ATPSCKMT: variants seen among roughly 807,000 people sequenced by gnomAD.
ATPSCKMT encodes the protein ATP synthase subunit C lysine N-methyltransferase.
In ATPSCKMT, 24 loss-of-function variants were observed where a neutral mutation model predicts 24.3. That is an observed-to-expected ratio of 0.99 (90% CI 0.71 to 1.39). The LOEUF (loss-of-function observed/expected upper bound fraction) is 1.39. ATPSCKMT is among the 40% of genes most tolerant of loss of function. ATPSCKMT has a pLI of 0.00. For synonymous variants in ATPSCKMT, 95 were observed against 110.5 expected (o/e 0.86, Z 0.88); for missense variants, 311 against 298.4 (o/e 1.04, Z -0.31).
intron 2 of ATPSCKMT, 122 bp downstream of exon 2, chr5:10,238,940 CATAAA>C: frequency 1.7e-6 from 2 of 1,197,342 alleles, no homozygotes; most frequent in Non-Finnish European, 2.3e-6. Flanking sequence ...GTCAAACAAA[CATAAA>C]ATGAAATGAG....
chr5:10,236,224 C>G (rs1183317959), intron 3 of ATPSCKMT: 1 of 330,166 alleles, frequency 3.0e-6, no homozygotes, highest in Non-Finnish European at 5.4e-6. Flanking sequence ...TTGTAAGAAA[C>G]AGAAATGACA....
intron 1 of ATPSCKMT, 66 bp downstream of exon 1, chr5:10,249,792 G>A: frequency 1.3e-6 from 2 of 1,527,212 alleles, no homozygotes; most frequent in South Asian, 1.3e-5. Flanking sequence ...AGCTGACCGC[G>A]AGCCCCCGGC....
chr5:10,238,715 A>G (rs1215162088), intron 2 of ATPSCKMT, among the ~76,000 whole-genome samples: 2 of 152,230 alleles, frequency 1.3e-5, no homozygotes, highest in African/African-American at 4.8e-5. Context: ...GAAGCAAACA[A>G]CTATGGGGCA....
chr5:10,227,619 C>T lies in ATPSCKMT; in HGVS notation c.524G>A (p.Arg175His), dbSNP rs781773524. Reference protein sequence around the residue: ...MMLQLEKKLERELEDDARVIA... With the variant: ...MMLQLEKKLEHELEDDARVIA... ...AACTCGTGCATCATCCTCAAGTTCA[C>T]GTTCAAGTTTCTTCTCCAACTGCAG... The change falls in exon 5 of 5, where the codon CGT (arginine) becomes CAT (histidine). Residue 175 changes from arginine (R) to histidine (H), a missense_variant. Arg to His is a conservative substitution (Grantham distance 29). Transcript: ENST00000511437. 6 of 1,614,058 alleles carry T rather than the reference C, an allele frequency of 3.7e-6. No individual in the cohort carries two copies. The highest frequency in any genetic ancestry group is 1.6e-4 in the Middle Eastern group (1 of 6,084).
intron 4 of ATPSCKMT, among the ~76,000 whole-genome samples, chr5:10,234,662 A>G (rs997570472): frequency 2.6e-5 from 4 of 152,236 alleles, no homozygotes; most frequent in African/African-American, 9.6e-5. Context: ...CACCATGACC[A>G]TCCTTCCAAA....
intron 1 of ATPSCKMT, among the ~76,000 whole-genome samples, chr5:10,240,667 T>C (rs1192974017): frequency 6.6e-6 from 1 of 152,094 alleles, no homozygotes; most frequent in African/African-American, 2.4e-5. Context: ...CTATAACTGC[T>C]GTAAGAAATT....
intron 4 of ATPSCKMT, among the ~76,000 whole-genome samples, chr5:10,234,161 C>G (rs1342201106): frequency 6.6e-6 from 1 of 152,086 alleles, no homozygotes; most frequent in Non-Finnish European, 1.5e-5. Flanking sequence ...AACCCCACCT[C>G]TACTAAAAAT....
chr5:10,238,921 A>G, intron 2 of ATPSCKMT, 146 bp downstream of exon 2: 1 of 958,508 alleles, frequency 1.0e-6, no homozygotes, highest in South Asian at 1.7e-5. Context: ...CTGGTAGTTG[A>G]ATAGTTTGGT....
chr5:10,233,630 G>A (rs1744251984), intron 4 of ATPSCKMT, among the ~76,000 whole-genome samples: 1 of 150,284 alleles, frequency 6.7e-6, no homozygotes, highest in South Asian at 2.1e-4. Flanking sequence ...GAAGCACCCG[G>A]AGTCGGCTCC....
chr5:10,249,671 C>T, intron 1 of ATPSCKMT, 187 bp downstream of exon 1: 2 of 943,894 alleles, frequency 2.1e-6, no homozygotes, highest in Non-Finnish European at 1.5e-6. Flanking sequence ...CAAGGATCGC[C>T]AGAACCGGCG....
chr5:10,233,745 C>T (rs1476068479), intron 4 of ATPSCKMT, among the ~76,000 whole-genome samples: 4 of 152,152 alleles, frequency 2.6e-5, no homozygotes, highest in Non-Finnish European at 5.9e-5. Context: ...ATGGAATTTC[C>T]AGTAAATGCT....
intron 2 of ATPSCKMT, among the ~76,000 whole-genome samples, chr5:10,237,330 T>C (rs1267226965): frequency 6.6e-6 from 1 of 152,228 alleles, no homozygotes; most frequent in Non-Finnish European, 1.5e-5. Context: ...AAACCACAGA[T>C]ACTCTTCAAA....
rs1745215711 is a variant in ATPSCKMT at position 10,249,790 on chromosome 5, G to A, written c.16+68C>T. 4 of 1,526,054 alleles carry A rather than the reference G, an allele frequency of 2.6e-6. No individual in the cohort carries two copies. The South Asian group carries it at 3.8e-5, about 15-fold the overall frequency. The allele number at this position is 1,526,054 out of a possible 1,614,324, so 94.5% of individuals were successfully genotyped here. A position where few individuals can be genotyped will look rare whatever the true frequency, so the allele number is the denominator to read the frequency against. ...TCGACAGTGGAGACCTCAGCTGACC[G>A]CGAGCCCCCGGCCCGCCCGCACCCC... On this transcript the variant is annotated intron_variant, in intron 1 of 4. Coordinates refer to ENST00000511437, the MANE Select transcript of ATPSCKMT (RefSeq NM_199133.4).
rs754129613 is a variant in ATPSCKMT, at chr5:10,235,275, G to A, written c.445-14C>T. 3 of 1,611,010 alleles carry A rather than the reference G, an allele frequency of 1.9e-6. No homozygotes were observed. Among genetic ancestry groups the A allele is most frequent in the African/African-American group, 1.3e-5 (1 of 74,730 alleles). On this transcript the variant is annotated splice_polypyrimidine_tract_variant and intron_variant, in intron 3 of 4. Transcript: ENST00000511437. ...CGAAAAAGTAACCTGAACAAGGTGG[G>A]AAAATAATCAGTAGATTAAGTGCAA...
At chr5:10,236,857 A>C (rs1744397752) in intron 2 of ATPSCKMT, 1 of 1,459,938 alleles carries the variant, frequency 6.8e-7, no homozygotes, top group African/African-American at 1.4e-5. Context: ...CAGAATAGAC[A>C]TTCAGGTTCA....
At chr5:10,249,068 G>T (rs1745134918) in intron 1 of ATPSCKMT, among the ~76,000 whole-genome samples, 1 of 152,032 alleles carries the variant, frequency 6.6e-6, no homozygotes, top group Non-Finnish European at 1.5e-5. Context: ...AGCCGTTCGA[G>T]ACCAGCCTGG....
intron 4 of ATPSCKMT, among the ~76,000 whole-genome samples, chr5:10,228,809 T>C (rs1292099349): frequency 6.6e-6 from 1 of 152,016 alleles, no homozygotes; most frequent in Non-Finnish European, 1.5e-5. Context: ...CCTCCTAATT[T>C]TGTAGAGATG....
rs6876650 is a variant in ATPSCKMT, at chr5:10,237,043, G to A, written c.307-428C>T. 0.48 allele frequency: 615,426 copies of A among 1,285,748 alleles called. 151,919 individuals are homozygous for A. The highest frequency in any genetic ancestry group is 0.51 in the Non-Finnish European group (503,229 of 985,412). The allele number at this position is 1,285,748 out of a possible 1,614,324, so 79.6% of individuals were successfully genotyped here. A position where few individuals can be genotyped will look rare whatever the true frequency, so the allele number is the denominator to read the frequency against. ...TAATAATATGCAATAAAAATAACCT[G>A]TCAATGAAAAATCTGCAATTAGTTA... On this transcript the variant is annotated intron_variant, in intron 2 of 4. Transcript: ENST00000511437.
In ATPSCKMT at chr5:10,231,959, T is replaced by C. The variant is rs551381324; in HGVS notation, c.495+3252A>G. On this transcript the variant is annotated intron_variant, in intron 4 of 4. Transcript: ENST00000511437. Reference sequence around the variant, plus strand: ...GGCTCACACCTGTAATCCCAACACTTTGGGAGTCTGCAGCCGGAGGACTGC... The same window carrying C: ...GGCTCACACCTGTAATCCCAACACTCTGGGAGTCTGCAGCCGGAGGACTGC... Among the ~76,000 whole-genome samples the C allele has an allele frequency of 2.0e-5, 3 of 152,348 alleles. No individual in the cohort carries two copies. In the South Asian group the frequency reaches 6.2e-4, roughly 32 times the overall value.
Sources: gnomAD v4.1 joint callset for allele counts (sites outside exome capture counted in the v4.1 genomes callset) on GRCh38, gnomAD v4.1.1 for gene constraint, MANE v1.5 for transcripts, NCBI Gene and HGNC (gene_info 2026-07-23, HGNC 2026-07-21) for gene names.